MAGED1: variants seen among roughly 807,000 people sequenced by gnomAD.
The protein encoded by MAGED1 is melanoma-associated antigen D1.
A neutral mutation model predicts 54.1 loss-of-function variants in MAGED1; 3 were observed. The observed-to-expected ratio is 0.06, with a 90% CI of 0.03 to 0.14. The LOEUF is 0.14. Among genes scored for constraint, MAGED1 ranks in the 10% least tolerant of loss-of-function variants. The pLI, the probability that MAGED1 is intolerant of heterozygous loss-of-function variation, is 1.00. For synonymous variants in MAGED1, 217 were observed against 227.3 expected (o/e 0.95, Z 0.41); for missense variants, 485 against 623.4 (o/e 0.78, Z 2.36).
At chrX:51,900,949 AACTG>A (rs782582508) in intron 11 of MAGED1, among the ~76,000 whole-genome samples, 12 of 112,464 alleles carry the variant, frequency 1.1e-4, no homozygotes, top group Non-Finnish European at 1.5e-4. Context: ...ATTTATTTTT[AACTG>A]ACTAATAAAA....
chrX:51,809,467 A>G (rs782751543), intron 1 of MAGED1, among the ~76,000 whole-genome samples: 4 of 111,770 alleles, frequency 3.6e-5, no homozygotes, highest in Non-Finnish European at 5.6e-5. Context: ...AAACTACGTC[A>G]TTAGTTCTAT....
In MAGED1 at chrX:51,893,687, G is replaced by C. The variant is rs1928554429; in HGVS notation, c.-105G>C. 1 of 113,415 alleles carries C rather than the reference G, an allele frequency of 8.8e-6. No homozygotes were observed. Among genetic ancestry groups the C allele is most frequent in the Non-Finnish European group, 1.9e-5 (1 of 53,400 alleles). The allele number at this position is 113,415 out of a possible 1,213,427, so 9.3% of individuals were successfully genotyped here. A position where few individuals can be genotyped will look rare whatever the true frequency, so the allele number is the denominator to read the frequency against. ...GTGCGGCTGCTGAGAGCCGAGCCCA[G>C]CAATCCCGATCCTCTGAGTCGTGAA... On this transcript the variant is annotated 5_prime_UTR_variant, in exon 1 of 13. Coordinates refer to ENST00000326587, the MANE Select transcript of MAGED1 (RefSeq NM_006986.4).
intron 1 of MAGED1, among the ~76,000 whole-genome samples, chrX:51,841,628 G>A (rs1389817004): frequency 3.6e-5 from 4 of 111,649 alleles, no homozygotes; most frequent in Non-Finnish European, 7.5e-5. Context: ...TGTAAGGAAG[G>A]GATCCAGTTT....
intron 1 of MAGED1, among the ~76,000 whole-genome samples, chrX:51,803,999 A>G (rs781930577): frequency 2.7e-5 from 3 of 111,590 alleles, no homozygotes; most frequent in Non-Finnish European, 5.6e-5. Flanking sequence ...AGTTGAGTTT[A>G]TTATGCAATT....
At chrX:51,834,357 C>T (rs997717522) in intron 1 of MAGED1, among the ~76,000 whole-genome samples, 1 of 111,754 alleles carries the variant, frequency 8.9e-6, no homozygotes, top group Non-Finnish European at 1.9e-5. Flanking sequence ...AATCTTCTGT[C>T]CTTGCTCTAT....
chrX:51,817,772 G>C (rs1399854959), intron 1 of MAGED1, among the ~76,000 whole-genome samples: 5 of 111,824 alleles, frequency 4.5e-5, no homozygotes, highest in Non-Finnish European at 7.5e-5. Flanking sequence ...TGTGCCACAC[G>C]TAGTGCAAGG....
chrX:51,808,005 C>T (rs1323522297), intron 1 of MAGED1, among the ~76,000 whole-genome samples: 2 of 111,857 alleles, frequency 1.8e-5, no homozygotes, highest in Admixed American at 1.9e-4. Context: ...TATCATGGCA[C>T]GTCACCCTTA....
chrX:51,815,364 G>C lies in MAGED1; in HGVS notation c.-37+12247G>C, dbSNP rs868948617. ...AAGAACTTCCGGTGGGACAAGATGTGGAGGTGGAAGACAGTGATATTGGTG... is the reference window on the plus strand; with the variant it reads ...AAGAACTTCCGGTGGGACAAGATGTCGAGGTGGAAGACAGTGATATTGGTG... On this transcript the variant is annotated intron_variant, in intron 1 of 12. Coordinates refer to the MAGED1 transcript ENST00000375772. Among the ~76,000 whole-genome samples, 34 of 110,989 alleles carry C rather than the reference G, an allele frequency of 3.1e-4. 2 individuals carry two copies. The highest frequency in any genetic ancestry group is 1.0e-3 in the African/African-American group (32 of 30,542).
At chrX:51,901,504 C>T in intron 11 of MAGED1, 49 bp from the exon 12 acceptor site, 1 of 1,098,870 alleles carries the variant, frequency 9.1e-7, no homozygotes, top group South Asian at 2.4e-5. Flanking sequence ...GATTCCATAT[C>T]TTGGCTATTG....
chrX:51,880,673 C>T lies in MAGED1; in HGVS notation c.-36-13596C>T, dbSNP rs144625109. ...TAGTAGAAAACCACGGTGGTCTTAT[C>T]TCAAGGCCAGAGTGAGATGTGAGAA... On this transcript the variant is annotated intron_variant, in intron 1 of 12. Transcript: ENST00000375772. Among the ~76,000 whole-genome samples the T allele has an allele frequency of 1.3e-4, 15 of 111,344 alleles. No homozygotes were observed. The East Asian group carries it at 4.0e-3, about 30-fold the overall frequency.
intron 1 of MAGED1, among the ~76,000 whole-genome samples, chrX:51,862,518 A>G (rs1927318558): frequency 9.0e-6 from 1 of 111,385 alleles, no homozygotes; most frequent in Admixed American, 9.6e-5. Flanking sequence ...TGTATTAACA[A>G]TTTCTTTGGT....
At chrX:51,810,712 A>G (rs924350039) in intron 1 of MAGED1, among the ~76,000 whole-genome samples, 1 of 111,831 alleles carries the variant, frequency 8.9e-6, no homozygotes, top group Non-Finnish European at 1.9e-5. Context: ...GGACATCCCA[A>G]AATGCTTTGG....
intron 1 of MAGED1, among the ~76,000 whole-genome samples, chrX:51,850,393 A>G (rs1052685171): frequency 1.3e-4 from 15 of 112,453 alleles, no homozygotes; most frequent in African/African-American, 4.2e-4. Flanking sequence ...ACCACAGTCC[A>G]GGATTTGGTT....
chrX:51,892,823 C>T (rs1557363622), upstream of MAGED1, among the ~76,000 whole-genome samples: 1 of 111,568 alleles, frequency 9.0e-6, no homozygotes, highest in African/African-American at 3.3e-5. Context: ...TGTTTCCTGG[C>T]TCTGTGGCCT....
At chrX:51,809,661 A>T (rs1925152221) in intron 1 of MAGED1, among the ~76,000 whole-genome samples, 1 of 110,914 alleles carries the variant, frequency 9.0e-6, no homozygotes, top group Admixed American at 9.6e-5. Context: ...GTATTTTATC[A>T]TGTCTAATTT....
chrX:51,862,225 T>A (rs1045043966), intron 1 of MAGED1, among the ~76,000 whole-genome samples: 2 of 111,722 alleles, frequency 1.8e-5, no homozygotes, highest in African/African-American at 6.5e-5. Flanking sequence ...ACTTGGACTC[T>A]GGAAAGTTTT....
intron 1 of MAGED1, among the ~76,000 whole-genome samples, chrX:51,887,937 T>G (rs1369500631): frequency 9.0e-6 from 1 of 110,557 alleles, no homozygotes; most frequent in Non-Finnish European, 1.9e-5. Flanking sequence ...ACCATATATC[T>G]GACAAAAGAC....
At chrX:51,821,202 C>T (rs1384970708) in intron 1 of MAGED1, among the ~76,000 whole-genome samples, 3 of 111,284 alleles carry the variant, frequency 2.7e-5, no homozygotes, top group East Asian at 2.8e-4. Context: ...TTTTTACATT[C>T]GAGATCATGA....
chrX:51,840,794 A>G (rs1926437186), intron 1 of MAGED1, among the ~76,000 whole-genome samples: 1 of 110,167 alleles, frequency 9.1e-6, no homozygotes, highest in East Asian at 2.9e-4. Context: ...ATAGTATTCC[A>G]TGGTGTATAT....
Sources: gnomAD v4.1 joint callset for allele counts (sites outside exome capture counted in the v4.1 genomes callset) on GRCh38, gnomAD v4.1.1 for gene constraint, MANE v1.5 for transcripts, NCBI Gene and HGNC (gene_info 2026-07-23, HGNC 2026-07-21) for gene names.